NFYC: variants seen among roughly 807,000 people sequenced by gnomAD.
NFYC encodes the protein nuclear transcription factor Y subunit gamma.
NFYC carries 25 observed loss-of-function variants against 53.1 expected under a neutral mutation model. The ratio of observed to expected loss-of-function variants is 0.47; its 90% CI spans 0.34 to 0.66. The LOEUF is 0.66. NFYC is among the 30% of genes least tolerant of loss of function. The pLI is 0.01. For missense variants in NFYC, 260 were observed against 422.7 expected (o/e 0.62, Z 3.38); for synonymous variants, 145 against 152.6 (o/e 0.95, Z 0.37).
chr1:40,692,608 C>G (rs1183680713), intron 1 of NFYC, among the ~76,000 whole-genome samples: 1 of 152,072 alleles, frequency 6.6e-6, no homozygotes, highest in Admixed American at 6.5e-5. Flanking sequence ...AGGGGCATAG[C>G]TGAACGGTAG....
intron 7 of NFYC, among the ~76,000 whole-genome samples, chr1:40,765,663 A>AACC (rs1490172937): frequency 6.6e-6 from 1 of 152,162 alleles, no homozygotes; most frequent in Non-Finnish European, 1.5e-5. Context: ...ATGCTCCCAG[A>AACC]ACCCCTTTCA....
intron 1 of NFYC, among the ~76,000 whole-genome samples, chr1:40,731,814 A>G (rs1021510200): frequency 3.3e-5 from 5 of 152,176 alleles, no homozygotes; most frequent in South Asian, 2.1e-4. Flanking sequence ...TCTTTCTTCA[A>G]TGTATGTATA....
intron 2 of NFYC, among the ~76,000 whole-genome samples, chr1:40,740,331 C>G (rs1455278622): frequency 1.3e-5 from 2 of 152,134 alleles, no homozygotes; most frequent in Non-Finnish European, 2.9e-5. Flanking sequence ...ACTGTGGATA[C>G]AGTAATGAAC....
intron 1 of NFYC, chr1:40,735,232 G>A (rs1334186468): frequency 1.3e-5 from 2 of 151,394 alleles, no homozygotes; most frequent in African/African-American, 4.9e-5. Flanking sequence ...AAAATGTAAA[G>A]GATATTATTG....
intron 5 of NFYC, chr1:40,754,468 C>T (rs558925778): frequency 1.3e-5 from 7 of 531,926 alleles, no homozygotes; most frequent in Admixed American, 5.8e-5. Flanking sequence ...AGCTACGCAC[C>T]GGCTTTGAAA....
At chr1:40,754,283 C>T in intron 5 of NFYC, 1 of 533,500 alleles carries the variant, frequency 1.9e-6, no homozygotes, top group Non-Finnish European at 3.8e-6. Context: ...GCATGAGGGC[C>T]TTTGGATTAG....
intron 1 of NFYC, among the ~76,000 whole-genome samples, chr1:40,708,619 T>C (rs1411132880): frequency 3.9e-5 from 6 of 152,216 alleles, no homozygotes; most frequent in Admixed American, 6.5e-5. Context: ...AAAATTTTCC[T>C]ATTTAAATTA....
At chr1:40,706,146 C>T (rs935245508) in intron 1 of NFYC, among the ~76,000 whole-genome samples, 1 of 151,832 alleles carries the variant, frequency 6.6e-6, no homozygotes, top group East Asian at 1.9e-4. Context: ...CCCTGAGGTG[C>T]TCCATGTCTT....
At chr1:40,744,244 T>C (rs745758518) in intron 2 of NFYC, among the ~76,000 whole-genome samples, 2 of 152,228 alleles carry the variant, frequency 1.3e-5, no homozygotes, top group Non-Finnish European at 2.9e-5. Context: ...ATGCCCACCC[T>C]GCCCATCTCT....
At position 40,771,076 on chromosome 1, in the gene NFYC, C is replaced by T. The variant is rs1647064471; in HGVS notation, c.*248C>T. Reference sequence around the variant, plus strand: ...ATATTTCAATATGTTGAGTGTGTGTCCAATGCTATGAAATTAAAATATTAA... The same window carrying T: ...ATATTTCAATATGTTGAGTGTGTGTTCAATGCTATGAAATTAAAATATTAA... On this transcript the variant is annotated 3_prime_UTR_variant, in exon 10 of 10. Transcript: ENST00000447388. The T allele has an allele frequency of 3.6e-6, 2 of 549,548 alleles. No homozygotes were observed. Among genetic ancestry groups the T allele is most frequent in the Non-Finnish European group, 6.4e-6 (2 of 310,452 alleles). The allele number at this position is 549,548 out of a possible 1,614,324, so 34.0% of individuals were successfully genotyped here.
At chr1:40,742,556 T>C (rs924797042) in intron 2 of NFYC, among the ~76,000 whole-genome samples, 3 of 152,228 alleles carry the variant, frequency 2.0e-5, no homozygotes, top group Admixed American at 6.5e-5. Flanking sequence ...AAGAGGAAGT[T>C]GTCTTTAATC....
At chr1:40,760,576 G>A (rs184140311) in intron 6 of NFYC, among the ~76,000 whole-genome samples, 35 of 152,110 alleles carry the variant, frequency 2.3e-4, no homozygotes, top group South Asian at 4.2e-4. Flanking sequence ...AAAATTAGCC[G>A]GGCGTGGTGG....
At chr1:40,750,869 A>G (rs1346084602) in intron 4 of NFYC, among the ~76,000 whole-genome samples, 1 of 152,236 alleles carries the variant, frequency 6.6e-6, no homozygotes, top group Non-Finnish European at 1.5e-5. Context: ...CACCCACTAG[A>G]ATACCTAAAA....
intron 1 of NFYC, chr1:40,735,238 T>C (rs895975985): frequency 6.6e-6 from 1 of 152,014 alleles, no homozygotes; most frequent in African/African-American, 2.4e-5. Flanking sequence ...TAAAGGATAT[T>C]ATTGACTTGT....
At chr1:40,761,301 C>T (rs1271556182) in intron 6 of NFYC, among the ~76,000 whole-genome samples, 1 of 152,160 alleles carries the variant, frequency 6.6e-6, no homozygotes, top group Non-Finnish European at 1.5e-5. Context: ...TCCTTCCCAG[C>T]ATTTCCTGGC....
intron 1 of NFYC, among the ~76,000 whole-genome samples, chr1:40,721,948 A>ATCAGGAGG (rs1236331282): frequency 1.3e-5 from 2 of 152,086 alleles, no homozygotes; most frequent in Non-Finnish European, 2.9e-5. Flanking sequence ...AGGTGGGCGG[A>ATCAGGAGG]TCAGGAGGTC....
intron 3 of NFYC, among the ~76,000 whole-genome samples, 192 bp from the exon 4 acceptor site, chr1:40,749,381 A>G (rs1557870735): frequency 6.6e-6 from 1 of 152,206 alleles, no homozygotes; most frequent in Non-Finnish European, 1.5e-5. Context: ...GGTATGTGCT[A>G]GATAAGTATT....
intron 4 of NFYC, among the ~76,000 whole-genome samples, chr1:40,751,887 A>T (rs1022795674): frequency 6.6e-6 from 1 of 152,186 alleles, no homozygotes; most frequent in African/African-American, 2.4e-5. Context: ...TGGCAATCTT[A>T]AGATGGGCCC....
intron 1 of NFYC, among the ~76,000 whole-genome samples, chr1:40,692,546 C>T (rs140030479): frequency 6.6e-6 from 1 of 152,164 alleles, no homozygotes; most frequent in Non-Finnish European, 1.5e-5. Context: ...TTGGAAGTGG[C>T]CCTGAAGTCC....
Sources: allele counts gnomAD v4.1 joint callset (sites outside exome capture counted in the v4.1 genomes callset), GRCh38; gene constraint gnomAD v4.1.1; transcripts MANE v1.5; gene names NCBI Gene and HGNC (gene_info 2026-07-23, HGNC 2026-07-21).